PIEZO2: variants seen among roughly 807,000 people sequenced by gnomAD.
PIEZO2 encodes the protein piezo-type mechanosensitive ion channel component 2.
A neutral mutation model predicts 337.3 loss-of-function variants in PIEZO2; 172 were observed. The ratio of observed to expected loss-of-function variants is 0.51; its 90% CI spans 0.45 to 0.58. The LOEUF (loss-of-function observed/expected upper bound fraction) is 0.58, where lower values mean the gene tolerates loss of function less well. Ranked by LOEUF, PIEZO2 falls within the 20% of genes least tolerant of loss-of-function variation. The pLI is 0.00. For synonymous variants in PIEZO2, 1,251 were observed against 1,228.5 expected (o/e 1.02, Z -0.38); for missense variants, 3,028 against 3,391.3 (o/e 0.89, Z 2.66).
In PIEZO2 at chr18:10,801,224, T is replaced by A. The variant is rs1018077959; in HGVS notation, c.1239+166A>T. Among the ~76,000 whole-genome samples, 6 of 152,358 alleles carry A rather than the reference T, an allele frequency of 3.9e-5. No individual in the cohort carries two copies. The East Asian group carries it at 1.2e-3, about 29-fold the overall frequency. On this transcript the variant is annotated intron_variant, in intron 10 of 55. Transcript: ENST00000674853. ...TTAAATATATTTTGTATGATTATAC[T>A]CAATTTCATTTAACAGCAATCTACC...
Position 11,110,045 on chromosome 18 carries a change from C to A in PIEZO2, c.64+38480G>T, listed in dbSNP as rs542090407. Among the ~76,000 whole-genome samples the A allele has an allele frequency of 6.6e-6, 1 of 152,258 alleles. No individual in the cohort carries two copies. The highest frequency in any genetic ancestry group is 2.1e-4 in the South Asian group (1 of 4,824). On this transcript the variant is annotated intron_variant, in intron 1 of 55. Transcript: ENST00000674853. The surrounding 1 kb of genome is among the most constrained non-coding windows in gnomAD (Gnocchi z 4.2). Reference sequence around the variant, plus strand: ...CATCTTTATCTCCATGGTGGGTGGACAATGACAGGTTCAGGAGTAACTGCA... The same window carrying A: ...CATCTTTATCTCCATGGTGGGTGGAAAATGACAGGTTCAGGAGTAACTGCA...
At chr18:10,721,432 G>C (rs891413409) in intron 36 of PIEZO2, among the ~76,000 whole-genome samples, 1 of 152,136 alleles carries the variant, frequency 6.6e-6, no homozygotes, top group Non-Finnish European at 1.5e-5. Context: ...GTCTTTGATT[G>C]GTAGGTTAAG....
At chr18:11,010,673 G>A (rs561253199) in intron 2 of PIEZO2, among the ~76,000 whole-genome samples, 4 of 152,280 alleles carry the variant, frequency 2.6e-5, no homozygotes, top group African/African-American at 7.2e-5. Flanking sequence ...GGGGCTCTGA[G>A]AAAATGGGAT....
At chr18:10,941,966 G>A (rs568170636) in intron 3 of PIEZO2, among the ~76,000 whole-genome samples, 9 of 152,208 alleles carry the variant, frequency 5.9e-5, no homozygotes, top group East Asian at 1.9e-4. Flanking sequence ...GGGGTCTCAC[G>A]AGATCTGATG....
intron 2 of PIEZO2, among the ~76,000 whole-genome samples, chr18:11,037,279 A>AC (rs1279692551): frequency 6.6e-6 from 1 of 152,224 alleles, no homozygotes. Flanking sequence ...TTATATGTTT[A>AC]CCCCAACAGT....
At chr18:11,065,068 T>C (rs955362286) in intron 2 of PIEZO2, among the ~76,000 whole-genome samples, 3 of 152,216 alleles carry the variant, frequency 2.0e-5, no homozygotes, top group African/African-American at 7.2e-5. Context: ...AGAATTACTG[T>C]TATTTAGAGA....
chr18:10,825,861 A>G (rs936111719), intron 7 of PIEZO2, among the ~76,000 whole-genome samples: 1 of 151,922 alleles, frequency 6.6e-6, no homozygotes, highest in African/African-American at 2.4e-5. Flanking sequence ...TCCACTTTCC[A>G]TACTCTATAT....
intron 1 of PIEZO2, among the ~76,000 whole-genome samples, chr18:11,115,705 C>T (rs923690867): frequency 1.3e-5 from 2 of 152,054 alleles, no homozygotes; most frequent in African/African-American, 4.8e-5. Context: ...TAAGAAAATG[C>T]TATGTTTATC....
In PIEZO2 at chr18:11,110,497, T is replaced by A. The variant is rs2039697444; in HGVS notation, c.64+38028A>T. On this transcript the variant is annotated intron_variant, in intron 1 of 55. Coordinates refer to ENST00000674853, the MANE Select transcript of PIEZO2 (RefSeq NM_001378183.1). This position sits in a 1 kb window ranked among gnomAD's most constrained non-coding sequence, Gnocchi z 4.2. ...TCCCCATGTGACCTCAGTCCACCTG[T>A]TTACCTGAGGTAAGTGTCTGGGCCT... Among the ~76,000 whole-genome samples the A allele has an allele frequency of 6.6e-6, 1 of 152,200 alleles. No individual in the cohort carries two copies. The highest frequency in any genetic ancestry group is 1.5e-5 in the Non-Finnish European group (1 of 68,030).
At chr18:10,961,993 C>A (rs1189798267) in intron 3 of PIEZO2, among the ~76,000 whole-genome samples, 1 of 152,108 alleles carries the variant, frequency 6.6e-6, no homozygotes, top group African/African-American at 2.4e-5. Context: ...TGTATAAATT[C>A]AGGTGAACTG....
chr18:10,981,903 G>A (rs1268257215), intron 2 of PIEZO2, among the ~76,000 whole-genome samples: 1 of 152,154 alleles, frequency 6.6e-6, no homozygotes, highest in Admixed American at 6.5e-5. Context: ...CCACACCAGT[G>A]GTTTGCCAGG....
intron 47 of PIEZO2, among the ~76,000 whole-genome samples, chr18:10,693,206 AC>A (rs565383809): frequency 1.1e-4 from 16 of 152,258 alleles, no homozygotes; most frequent in Non-Finnish European, 2.2e-4. Context: ...ATATAAAAAT[AC>A]AATTGAGTTT....
At chr18:10,779,927 C>T (rs895859531) in intron 18 of PIEZO2, among the ~76,000 whole-genome samples, 6 of 152,138 alleles carry the variant, frequency 3.9e-5, no homozygotes, top group South Asian at 2.1e-4. Flanking sequence ...AGAGGGAAGG[C>T]GGATTACTCT....
intron 1 of PIEZO2, among the ~76,000 whole-genome samples, chr18:11,130,398 T>A (rs1040015651): frequency 2.0e-5 from 3 of 152,232 alleles, no homozygotes; most frequent in Non-Finnish European, 4.4e-5. Context: ...CAGAAGCAAT[T>A]TGCTTTCAGC....
At position 11,088,827 on chromosome 18, in the gene PIEZO2, C is replaced by A. The variant is rs1399446611; in HGVS notation, c.65-22605G>T. 3.3e-5 allele frequency among the ~76,000 whole-genome samples: 5 copies of A among 152,256 alleles called. No individual in the cohort carries two copies. The East Asian group carries it at 9.7e-4, about 29-fold the overall frequency. On this transcript the variant is annotated intron_variant, in intron 1 of 55. Transcript: ENST00000674853. Reference sequence around the variant, plus strand: ...TCTTAGTGCAACCCATACAGGCCAGCCTCATAACTCACACCAAGGGGGCTC... The same window carrying A: ...TCTTAGTGCAACCCATACAGGCCAGACTCATAACTCACACCAAGGGGGCTC...
chr18:10,807,866 T>C (rs1395435157), intron 7 of PIEZO2, among the ~76,000 whole-genome samples: 3 of 152,238 alleles, frequency 2.0e-5, no homozygotes, highest in Non-Finnish European at 4.4e-5. Flanking sequence ...CTAATCATTT[T>C]CTTTGAAATA....
chr18:10,713,418 T>C lies in PIEZO2; in HGVS notation c.5423+1346A>G, dbSNP rs2035895907. On this transcript the variant is annotated intron_variant, in intron 39 of 55. Coordinates refer to ENST00000674853, the MANE Select transcript of PIEZO2 (RefSeq NM_001378183.1). This position sits in a 1 kb window ranked among gnomAD's most constrained non-coding sequence, Gnocchi z 4.5. ...CCAACATCCAGTTGTCTATTTTGGG[T>C]TTGATATCAATAAAATGGTCTCAGC... Among the ~76,000 whole-genome samples, 1 of 152,154 alleles carries C rather than the reference T, an allele frequency of 6.6e-6. No homozygotes were observed. Among genetic ancestry groups the C allele is most frequent in the Non-Finnish European group, 1.5e-5 (1 of 68,026 alleles).
At chr18:11,093,056 T>C (rs191364034) in intron 1 of PIEZO2, among the ~76,000 whole-genome samples, 1 of 152,354 alleles carries the variant, frequency 6.6e-6, no homozygotes, top group Non-Finnish European at 1.5e-5. Context: ...CAGAGAATGA[T>C]TTCTGGAAAC....
At chr18:10,718,281 G>A (rs945802929) in intron 36 of PIEZO2, 22 bp from the exon 37 acceptor site, 11 of 1,528,586 alleles carry the variant, frequency 7.2e-6, no homozygotes, top group African/African-American at 2.7e-5. Flanking sequence ...GTTCAATAAA[G>A]ATGAGTTAAA....
Sources: gnomAD v4.1 joint callset for allele counts (sites outside exome capture counted in the v4.1 genomes callset) on GRCh38, gnomAD v4.1.1 for gene constraint, Gnocchi (gnomAD v3.1) non-coding constraint, MANE v1.5 for transcripts, NCBI Gene and HGNC (gene_info 2026-07-23, HGNC 2026-07-21) for gene names.